PDE3A: variants seen among roughly 807,000 people sequenced by gnomAD.
The protein encoded by PDE3A is cGMP-inhibited 3',5'-cyclic phosphodiesterase 3A.
A neutral mutation model predicts 98.3 loss-of-function variants in PDE3A; 43 were observed. That is an observed-to-expected ratio of 0.44 (90% confidence interval 0.34 to 0.56). PDE3A has a LOEUF of 0.56. PDE3A is among the 20% of genes least tolerant of loss of function. The pLI is 0.01. For missense variants in PDE3A, 1,427 were observed against 1,440.7 expected (o/e 0.99, Z 0.15); for synonymous variants, 663 against 567.9 (o/e 1.17, Z -2.38).
At chr12:20,559,311 A>G (rs1942452472) in intron 2 of PDE3A, among the ~76,000 whole-genome samples, 1 of 151,980 alleles carries the variant, frequency 6.6e-6, no homozygotes, top group Non-Finnish European at 1.5e-5. Flanking sequence ...GGTTTGTGTA[A>G]GTATACTCTA....
intron 1 of PDE3A, among the ~76,000 whole-genome samples, chr12:20,492,572 C>T (rs945024195): frequency 6.6e-6 from 1 of 152,088 alleles, no homozygotes; most frequent in Non-Finnish European, 1.5e-5. Flanking sequence ...GGACCAAAGG[C>T]ACGAGGAGAG....
intron 1 of PDE3A, among the ~76,000 whole-genome samples, chr12:20,459,292 A>C (rs1470944363): frequency 6.6e-6 from 1 of 152,106 alleles, no homozygotes; most frequent in Admixed American, 6.6e-5. Context: ...GTAGACTTTT[A>C]TTGATATTTT....
At chr12:20,638,384 A>G (rs1041091025) in intron 9 of PDE3A, among the ~76,000 whole-genome samples, 12 of 152,166 alleles carry the variant, frequency 7.9e-5, no homozygotes, top group Non-Finnish European at 2.9e-5. Flanking sequence ...TCTGTAAAAT[A>G]TTCAATTATT....
chr12:20,545,251 C>T (rs1942020250), intron 1 of PDE3A, among the ~76,000 whole-genome samples: 1 of 151,944 alleles, frequency 6.6e-6, no homozygotes. Context: ...GGGACAGATA[C>T]AGAATTATGG....
At chr12:20,614,333 C>CAGTTTAGATCTCAATATTAA (rs1189162459) in intron 3 of PDE3A, among the ~76,000 whole-genome samples, 2 of 152,046 alleles carry the variant, frequency 1.3e-5, no homozygotes, top group African/African-American at 4.8e-5. Context: ...GATCCTCACC[C>CAGTTTAGATCTCAATATTAA]AGTTTAGATC....
At chr12:20,544,771 T>C (rs756716507) in intron 1 of PDE3A, among the ~76,000 whole-genome samples, 6 of 152,082 alleles carry the variant, frequency 3.9e-5, no homozygotes, top group Non-Finnish European at 8.8e-5. Context: ...CATATGCCTC[T>C]ATGGTTTCTT....
chr12:20,652,896 C>T (rs900862101), intron 14 of PDE3A, among the ~76,000 whole-genome samples: 6 of 152,182 alleles, frequency 3.9e-5, no homozygotes, highest in Non-Finnish European at 8.8e-5. Flanking sequence ...AGGCAACCTA[C>T]AGAATGGGAG....
chr12:20,454,118 G>A (rs1395354265), intron 1 of PDE3A, among the ~76,000 whole-genome samples: 2 of 152,116 alleles, frequency 1.3e-5, no homozygotes, highest in Non-Finnish European at 1.5e-5. Context: ...CTTTGACCTC[G>A]TGTTGTAACA....
intron 15 of PDE3A, among the ~76,000 whole-genome samples, chr12:20,673,996 T>G (rs957067798): frequency 4.6e-5 from 7 of 152,180 alleles, no homozygotes; most frequent in African/African-American, 1.4e-4. Context: ...GTCTTCAACG[T>G]GTTTCATCAG....
At chr12:20,635,420 T>C (rs1158705159) in intron 8 of PDE3A, among the ~76,000 whole-genome samples, 1 of 151,622 alleles carries the variant, frequency 6.6e-6, no homozygotes, top group Non-Finnish European at 1.5e-5. Context: ...AATACCAAAA[T>C]TACCAAAATT....
At chr12:20,478,305 A>G (rs141140627) in intron 1 of PDE3A, among the ~76,000 whole-genome samples, 1 of 152,340 alleles carries the variant, frequency 6.6e-6, no homozygotes, top group Non-Finnish European at 1.5e-5. Flanking sequence ...ACATACTGAT[A>G]TAGTATATAG....
intron 1 of PDE3A, among the ~76,000 whole-genome samples, chr12:20,382,520 G>A (rs772697081): frequency 6.6e-6 from 1 of 151,816 alleles, no homozygotes; most frequent in Non-Finnish European, 1.5e-5. Flanking sequence ...TTCCTCATCT[G>A]TAAAATAGGA....
At chr12:20,632,937 C>CT (rs1391028326) in intron 6 of PDE3A, among the ~76,000 whole-genome samples, 1 of 143,202 alleles carries the variant, frequency 7.0e-6, no homozygotes, top group African/African-American at 2.6e-5. Context: ...TAAAATAAAT[C>CT]TAATAATGAG....
intron 1 of PDE3A, among the ~76,000 whole-genome samples, chr12:20,381,686 T>C (rs1943666591): frequency 6.6e-6 from 1 of 151,898 alleles, no homozygotes; most frequent in Non-Finnish European, 1.5e-5. Flanking sequence ...ACATTTATCA[T>C]TTTCACTTAT....
In PDE3A at chr12:20,687,596, T is replaced by C. The variant is rs368743117; in HGVS notation, c.*7325T>C. ...GTTCCAACAAGAACAATCTGTTAGT[T>C]GATAAGCACTGGTAATAAATATCAC... On this transcript the variant is annotated 3_prime_UTR_variant, in exon 16 of 16. Coordinates refer to ENST00000359062, the MANE Select transcript of PDE3A (RefSeq NM_000921.5). Among the ~76,000 whole-genome samples, 7 of 152,164 alleles carry C rather than the reference T, an allele frequency of 4.6e-5. No individual in the cohort carries two copies. The East Asian group carries it at 7.7e-4, about 17-fold the overall frequency.
chr12:20,506,035 T>G (rs931895485), intron 1 of PDE3A, among the ~76,000 whole-genome samples: 1 of 151,838 alleles, frequency 6.6e-6, no homozygotes, highest in African/African-American at 2.4e-5. Flanking sequence ...AAATATTTAA[T>G]AAGTATTGAA....
At chr12:20,454,783 T>C (rs985716582) in intron 1 of PDE3A, among the ~76,000 whole-genome samples, 4 of 152,218 alleles carry the variant, frequency 2.6e-5, no homozygotes, top group African/African-American at 9.6e-5. Flanking sequence ...TCCAGCCATT[T>C]TCTTGCACAG....
chr12:20,505,535 T>C (rs1208256681), intron 1 of PDE3A, among the ~76,000 whole-genome samples: 2 of 152,088 alleles, frequency 1.3e-5, no homozygotes, highest in Non-Finnish European at 2.9e-5. Flanking sequence ...GCATGTGCCA[T>C]GGTGAATCTT....
intron 1 of PDE3A, among the ~76,000 whole-genome samples, chr12:20,487,076 T>C (rs10841550): frequency 0.28 from 43,040 of 152,058 alleles, 6,932 homozygotes; most frequent in Non-Finnish European, 0.36. Context: ...CTGAACAAAT[T>C]TTAAAAAATA....
Sources: allele counts gnomAD v4.1 joint callset (sites outside exome capture counted in the v4.1 genomes callset), GRCh38; gene constraint gnomAD v4.1.1; transcripts MANE v1.5; gene names NCBI Gene and HGNC (gene_info 2026-07-23, HGNC 2026-07-21).